BABAM2: variants seen among roughly 807,000 people sequenced by gnomAD.
BABAM2 encodes BRISC and BRCA1-A complex member 2.
BABAM2 carries 31 observed loss-of-function variants against 54.7 expected under a neutral mutation model. That is an observed-to-expected ratio of 0.57 (90% CI 0.43 to 0.77). BABAM2 has a LOEUF of 0.77. Ranked by LOEUF, BABAM2 falls within the 30% of genes least tolerant of loss-of-function variation. The pLI, the probability that BABAM2 is intolerant of heterozygous loss-of-function variation, is 0.00. For synonymous variants in BABAM2, 167 were observed against 162.9 expected (o/e 1.03, Z -0.19); for missense variants, 364 against 455.8 (o/e 0.80, Z 1.83).
intron 3 of BABAM2, among the ~76,000 whole-genome samples, chr2:27,967,707 C>T (rs1670926736): frequency 6.6e-6 from 1 of 152,088 alleles, no homozygotes; most frequent in Non-Finnish European, 1.5e-5. Context: ...CCAAAATGCT[C>T]ATAATGATAT....
chr2:28,071,345 C>T (rs1198451556), intron 6 of BABAM2, among the ~76,000 whole-genome samples: 1 of 152,156 alleles, frequency 6.6e-6, no homozygotes, highest in Non-Finnish European at 1.5e-5. Flanking sequence ...TAGTTTCCCA[C>T]AGTCTAGATT....
At chr2:28,266,682 G>A (rs72784786) in intron 10 of BABAM2, among the ~76,000 whole-genome samples, 17,467 of 152,194 alleles carry the variant, frequency 0.11, 1,429 homozygotes, top group African/African-American at 0.23. Context: ...ATTGTCACAC[G>A]CCTGGGTCTA....
At chr2:27,946,380 TA>T (rs1235239579) in intron 3 of BABAM2, among the ~76,000 whole-genome samples, 1 of 152,242 alleles carries the variant, frequency 6.6e-6, no homozygotes, top group East Asian at 1.9e-4. Flanking sequence ...CCTTCTGATG[TA>T]TTACTGGAGT....
At chr2:28,282,752 T>C (rs1573993764) in intron 10 of BABAM2, among the ~76,000 whole-genome samples, 2 of 151,956 alleles carry the variant, frequency 1.3e-5, no homozygotes, top group South Asian at 2.1e-4. Flanking sequence ...GTAATCCCAG[T>C]ATTTTGGGAG....
chr2:28,048,940 T>A (rs1677803930), intron 6 of BABAM2, among the ~76,000 whole-genome samples: 2 of 152,220 alleles, frequency 1.3e-5, no homozygotes, highest in Non-Finnish European at 2.9e-5. Context: ...TCCTGAGAAT[T>A]AGTGAACTTA....
At chr2:28,299,514 A>T (rs1687946621) in intron 11 of BABAM2, among the ~76,000 whole-genome samples, 3 of 152,170 alleles carry the variant, frequency 2.0e-5, no homozygotes, top group Admixed American at 2.0e-4. Flanking sequence ...CAGCTGAAGG[A>T]TGATCAGATC....
chr2:28,311,826 A>G (rs1689112493), intron 11 of BABAM2, among the ~76,000 whole-genome samples: 1 of 152,210 alleles, frequency 6.6e-6, no homozygotes, highest in Non-Finnish European at 1.5e-5. Context: ...CACAAATTGA[A>G]AACATTACTA....
At chr2:28,019,165 G>A (rs1388180287) in intron 4 of BABAM2, among the ~76,000 whole-genome samples, 3 of 152,240 alleles carry the variant, frequency 2.0e-5, no homozygotes, top group East Asian at 1.9e-4. Flanking sequence ...CCATGTCCCT[G>A]AAAAGGACAT....
At chr2:28,026,895 T>A (rs1190351895) in intron 5 of BABAM2, among the ~76,000 whole-genome samples, 1 of 29,246 alleles carries the variant, frequency 3.4e-5, no homozygotes, top group African/African-American at 1.1e-4. Flanking sequence ...TAGATATATA[T>A]AAATATATAT....
At chr2:28,014,668 GTT>G (rs35336635) in intron 4 of BABAM2, among the ~76,000 whole-genome samples, 9 of 138,152 alleles carry the variant, frequency 6.5e-5, no homozygotes, top group Admixed American at 1.4e-4. Flanking sequence ...TATGAAGCTG[GTT>G]TTTTTTTTTT....
At chr2:28,298,841 T>C (rs1309292927) in intron 11 of BABAM2, among the ~76,000 whole-genome samples, 1 of 152,222 alleles carries the variant, frequency 6.6e-6, no homozygotes, top group African/African-American at 2.4e-5. Flanking sequence ...AGCTTTTGTT[T>C]TTTTTCATGG....
chr2:28,025,226 A>G lies in BABAM2; in HGVS notation c.301A>G (p.Asn101Asp). 2 of 1,582,336 alleles carry G rather than the reference A, an allele frequency of 1.3e-6. No homozygotes were observed. The highest frequency in any genetic ancestry group is 1.7e-6 in the Non-Finnish European group (2 of 1,170,482). Reference protein sequence around the residue: ...EFLPDPSALQNLASWNPSNPE... With the variant: ...EFLPDPSALQDLASWNPSNPE... ...CTTTTATTTGTTACGACTTCTACAG[A>G]ATCTTGCCTCCTGGAATCCTTCAAA... Residue 101 changes from asparagine (N) to aspartate (D), a missense_variant and splice_region_variant, in exon 5 of 12, where the codon AAT becomes GAT. Transcript: ENST00000379624.
At chr2:27,990,243 C>A (rs1672684678) in intron 4 of BABAM2, among the ~76,000 whole-genome samples, 1 of 152,160 alleles carries the variant, frequency 6.6e-6, no homozygotes, top group African/African-American at 2.4e-5. Flanking sequence ...CCAAATAGTT[C>A]TGAAGGTTGC....
intron 11 of BABAM2, among the ~76,000 whole-genome samples, chr2:28,301,793 C>T (rs1267074184): frequency 6.6e-6 from 1 of 152,180 alleles, no homozygotes. Flanking sequence ...TAGTTCTTCA[C>T]ATCTTCATAT....
chr2:28,099,157 G>A (rs1666859124), intron 6 of BABAM2, among the ~76,000 whole-genome samples: 1 of 152,156 alleles, frequency 6.6e-6, no homozygotes, highest in African/African-American at 2.4e-5. Context: ...TACAGGGAAA[G>A]AATGCAGTAA....
intron 4 of BABAM2, among the ~76,000 whole-genome samples, chr2:28,003,964 T>C (rs775355061): frequency 3.9e-5 from 6 of 152,158 alleles, no homozygotes; most frequent in Non-Finnish European, 5.9e-5. Context: ...TTTGTACTTA[T>C]CTTTCAACTC....
intron 5 of BABAM2, among the ~76,000 whole-genome samples, chr2:28,037,173 G>C (rs1414517319): frequency 1.3e-5 from 2 of 151,888 alleles, no homozygotes. Flanking sequence ...TTTGTCCTTT[G>C]TCCACCCAAA....
chr2:28,040,895 A>C (rs1208545265), intron 5 of BABAM2, among the ~76,000 whole-genome samples: 2 of 152,218 alleles, frequency 1.3e-5, no homozygotes, highest in Admixed American at 6.5e-5. Flanking sequence ...GTTGCCAATA[A>C]ACACAAATTT....
chr2:28,084,069 G>A (rs942838614), intron 6 of BABAM2, among the ~76,000 whole-genome samples: 11 of 152,268 alleles, frequency 7.2e-5, no homozygotes, highest in Admixed American at 2.0e-4. Flanking sequence ...TGCGCTTGAC[G>A]GGTAGCGTGG....
Sources: gnomAD v4.1 joint callset for allele counts (sites outside exome capture counted in the v4.1 genomes callset) on GRCh38, gnomAD v4.1.1 for gene constraint, MANE v1.5 for transcripts, NCBI Gene and HGNC (gene_info 2026-07-23, HGNC 2026-07-21) for gene names.